Variants in ASZ1 observed in about 807,000 individuals in gnomAD.
The protein encoded by ASZ1 is ankyrin repeat, SAM and basic leucine zipper domain-containing protein 1.
A neutral mutation model predicts 61.8 loss-of-function variants in ASZ1; 67 were observed. That is an observed-to-expected ratio of 1.08 (90% CI 0.89 to 1.33). The LOEUF (loss-of-function observed/expected upper bound fraction) is 1.33, where lower values mean the gene tolerates loss of function less well. Ranked by LOEUF, ASZ1 falls within the 40% of genes most tolerant of loss-of-function variation. ASZ1 has a pLI of 0.00. For missense variants in ASZ1, 577 were observed against 554.5 expected (o/e 1.04, Z -0.41); for synonymous variants, 193 against 192.7 (o/e 1.00, Z -0.01).
Position 117,363,337 on chromosome 7 carries a change from G to T in ASZ1, c.*259C>A. 1 of 232,528 alleles carries T rather than the reference G, an allele frequency of 4.3e-6. No individual in the cohort carries two copies. Among genetic ancestry groups the T allele is most frequent in the Non-Finnish European group, 8.2e-6 (1 of 121,768 alleles). 14.4% of individuals were successfully genotyped at this position (232,528 alleles called of 1,614,324 possible). On this transcript the variant is annotated 3_prime_UTR_variant, in exon 13 of 13. Transcript: ENST00000284629. Reference sequence around the variant, plus strand: ...AGATATTAGATATAACTTTAATTTTGAATGTGATTTAGATACGATCAAACC... The same window carrying T: ...AGATATTAGATATAACTTTAATTTTTAATGTGATTTAGATACGATCAAACC...
rs1797076857 is a variant in ASZ1 at position 117,420,296 on chromosome 7, G to C, written c.329-22C>G. ...TTATCTATAGTGAATAGAAAAGTGAGGAAAAATCCCCATACATCAAGAGCA... is the reference window on the plus strand; with the variant it reads ...TTATCTATAGTGAATAGAAAAGTGACGAAAAATCCCCATACATCAAGAGCA... On this transcript the variant is annotated intron_variant, in intron 3 of 12. Transcript: ENST00000284629. 3 of 1,546,278 alleles carry C rather than the reference G, an allele frequency of 1.9e-6. No homozygotes were observed. The African/African-American group carries it at 4.1e-5, about 21-fold the overall frequency.
At chr7:117,414,555 T>C (rs1198295686) in intron 4 of ASZ1, among the ~76,000 whole-genome samples, 1 of 152,184 alleles carries the variant, frequency 6.6e-6, no homozygotes, top group Non-Finnish European at 1.5e-5. Flanking sequence ...TCCATTGGTA[T>C]ACACGTGCCA....
intron 4 of ASZ1, among the ~76,000 whole-genome samples, chr7:117,391,112 T>G (rs886471034): frequency 6.6e-6 from 1 of 152,108 alleles, no homozygotes. Flanking sequence ...GTTTCTTGAC[T>G]GCTTGTATGT....
intron 2 of ASZ1, 83 bp from the exon 3 acceptor site, chr7:117,422,442 T>TA: frequency 7.1e-7 from 1 of 1,416,420 alleles, no homozygotes; most frequent in South Asian, 1.5e-5. Flanking sequence ...AAGTACTGTG[T>TA]AAAGTGACGT....
In ASZ1 at chr7:117,384,753, C is replaced by T. The variant is rs143262073; in HGVS notation, c.660G>A (p.Glu220=). ...CATGATGTTTGTTTCTTTTTGCAAT[C>T]TCACTTGGCATCTTTCCATCTTTGG... The part of the protein sequence containing the change: ...LQTKDGKMPS[E]IAKRNKHHEI... The change falls in exon 6 of 13, where the codon GAG becomes GAA. Residue 220 remains glutamate, a synonymous_variant. Coordinates refer to ENST00000284629, the MANE Select transcript of ASZ1 (RefSeq NM_130768.3). The T allele has an allele frequency of 1.1e-4, 176 of 1,611,932 alleles. No individual in the cohort carries two copies. The African/African-American group carries it at 2.0e-3, about 18-fold the overall frequency.
Position 117,363,607 on chromosome 7 carries a change from G to C in ASZ1, c.1417C>G (p.Gln473Glu). Residue 473 changes from glutamine (Q) to glutamate (E), a missense_variant, in exon 13 of 13, where the codon CAG becomes GAG. Transcript: ENST00000284629. The stretch of plus-strand genomic sequence containing the variant: ...AACAAATATTTGGATTATTTCCTCT[G>C]GAAAGTTAGCTTGCAAATGAAAAGA... ...FLLFICKLTF[Q>E]RK 1 of 1,596,072 alleles carries C rather than the reference G, an allele frequency of 6.3e-7. No individual in the cohort carries two copies. The highest frequency in any genetic ancestry group is 8.5e-7 in the Non-Finnish European group (1 of 1,173,234).
intron 2 of ASZ1, among the ~76,000 whole-genome samples, chr7:117,426,505 A>AG (rs1435371678): frequency 1.0e-4 from 15 of 149,934 alleles, no homozygotes; most frequent in African/African-American, 2.7e-4. Context: ...AAAAAAAAAA[A>AG]AAAAAGAAAA....
chr7:117,387,440 C>A (rs937015709), intron 4 of ASZ1, among the ~76,000 whole-genome samples: 1 of 152,196 alleles, frequency 6.6e-6, no homozygotes, highest in African/African-American at 2.4e-5. Context: ...CATCTAAATC[C>A]GAACTGTTGA....
At position 117,427,490 on chromosome 7, in the gene ASZ1, G is replaced by C. The variant is rs765030537; in HGVS notation, c.-30C>G. ...GCCAAGGAAGCTCCCTGTCGGCACC[G>C]CGCGCCCTTCAGCTCTCCGGGCGCA... is the stretch of plus-strand genomic sequence containing the variant. On this transcript the variant is annotated 5_prime_UTR_variant, in exon 1 of 13. Coordinates refer to ENST00000284629, the MANE Select transcript of ASZ1 (RefSeq NM_130768.3). 6.2e-7 allele frequency: 1 copy of C among 1,609,884 alleles called. No homozygotes were observed. Among genetic ancestry groups the C allele is most frequent in the African/African-American group, 1.3e-5 (1 of 74,976 alleles).
intron 9 of ASZ1, among the ~76,000 whole-genome samples, chr7:117,380,334 CA>C (rs1206700959): frequency 6.6e-6 from 1 of 151,242 alleles, no homozygotes; most frequent in Non-Finnish European, 1.5e-5. Context: ...TGTAATATTT[CA>C]AAAAAACACA....
intron 7 of ASZ1, among the ~76,000 whole-genome samples, 156 bp downstream of exon 7, chr7:117,382,830 T>C (rs1356383607): frequency 6.6e-6 from 1 of 152,216 alleles, no homozygotes; most frequent in East Asian, 1.9e-4. Flanking sequence ...AAAAATTTTC[T>C]AAAATTCTGG....
At chr7:117,404,012 C>G (rs898985085) in intron 4 of ASZ1, among the ~76,000 whole-genome samples, 1 of 152,162 alleles carries the variant, frequency 6.6e-6, no homozygotes, top group Non-Finnish European at 1.5e-5. Context: ...GAAACATCCC[C>G]CTGCCCCTAG....
chr7:117,392,002 G>C (rs1245353192), intron 4 of ASZ1, among the ~76,000 whole-genome samples: 1 of 152,124 alleles, frequency 6.6e-6, no homozygotes, highest in African/African-American at 2.4e-5. Context: ...ATGTTGGTCA[G>C]GCTGGTCTTG....
In ASZ1 at chr7:117,427,352, C is replaced by G; in HGVS notation, c.105+4G>C. 2 of 1,614,168 alleles carry G rather than the reference C, an allele frequency of 1.2e-6. No homozygotes were observed. The highest frequency in any genetic ancestry group is 1.7e-6 in the Non-Finnish European group (2 of 1,179,980). ...TGTGGTCAAGACAAGGCCTCCTCCG[C>G]TACCTGAGACGTCCGGTCGAGATAC... is the stretch of plus-strand genomic sequence containing the variant. On this transcript the variant is annotated splice_donor_region_variant and intron_variant, in intron 1 of 12. Coordinates refer to ENST00000284629, the MANE Select transcript of ASZ1 (RefSeq NM_130768.3).
intron 4 of ASZ1, among the ~76,000 whole-genome samples, chr7:117,403,602 C>G (rs1796720620): frequency 6.6e-6 from 1 of 152,124 alleles, no homozygotes; most frequent in African/African-American, 2.4e-5. Context: ...TAAATAGGGT[C>G]TTCGTGACAG....
chr7:117,381,290 G>C (rs990984953), intron 8 of ASZ1, among the ~76,000 whole-genome samples: 1 of 151,976 alleles, frequency 6.6e-6, no homozygotes, highest in African/African-American at 2.4e-5. Flanking sequence ...TAGTTTTCCA[G>C]ATTCAAATGA....
At chr7:117,363,996 T>G (rs1251790549) in intron 12 of ASZ1, among the ~76,000 whole-genome samples, 1 of 152,180 alleles carries the variant, frequency 6.6e-6, no homozygotes, top group African/African-American at 2.4e-5. Context: ...GATGATCACA[T>G]TTTAAAATGG....
chr7:117,393,300 C>A (rs1796508629), intron 4 of ASZ1, among the ~76,000 whole-genome samples: 1 of 152,058 alleles, frequency 6.6e-6, no homozygotes. Flanking sequence ...TATTCTATAT[C>A]TTTATTTTTT....
chr7:117,399,104 C>T (rs1359052070), intron 4 of ASZ1, among the ~76,000 whole-genome samples: 1 of 152,088 alleles, frequency 6.6e-6, no homozygotes, highest in African/African-American at 2.4e-5. Flanking sequence ...GTGGTATGCA[C>T]CTGTAGTCCA....
Sources: allele counts gnomAD v4.1 joint callset (sites outside exome capture counted in the v4.1 genomes callset), GRCh38; gene constraint gnomAD v4.1.1; transcripts MANE v1.5; gene names NCBI Gene and HGNC (gene_info 2026-07-23, HGNC 2026-07-21).